Variants in NR3C1 observed in about 807,000 individuals in gnomAD.
The protein encoded by NR3C1 is nuclear receptor subfamily 3 group C member 1, also known as glucocorticoid receptor.
NR3C1 carries 14 observed loss-of-function variants against 74.0 expected under a neutral mutation model. The observed-to-expected ratio is 0.19, with a 90% CI of 0.12 to 0.30. The LOEUF (loss-of-function observed/expected upper bound fraction) is 0.30, where lower values mean the gene tolerates loss of function less well. Among genes scored for constraint, NR3C1 ranks in the 10% least tolerant of loss-of-function variants. The probability of loss-of-function intolerance (pLI) is 1.00; values close to 1 mark genes in which losing one functional copy is unlikely to be tolerated. For missense variants in NR3C1, 695 were observed against 909.8 expected (o/e 0.76, Z 3.04); for synonymous variants, 308 against 332.5 (o/e 0.93, Z 0.80).
At chr5:143,416,353 A>G (rs1050316713) in intron 1 of NR3C1, among the ~76,000 whole-genome samples, 2 of 152,062 alleles carry the variant, frequency 1.3e-5, no homozygotes, top group East Asian at 1.9e-4. Flanking sequence ...TTCTGGGACT[A>G]CTTGGAAACT....
intron 5 of NR3C1, among the ~76,000 whole-genome samples, chr5:143,299,017 T>G (rs567191885): frequency 1.4e-4 from 20 of 147,926 alleles, no homozygotes; most frequent in Non-Finnish European, 1.6e-4. Context: ...TTTTTTTTTT[T>G]TTTTTTTTTT....
At chr5:143,360,502 T>G (rs914085148) in intron 2 of NR3C1, among the ~76,000 whole-genome samples, 9 of 152,228 alleles carry the variant, frequency 5.9e-5, no homozygotes, top group Non-Finnish European at 1.2e-4. Context: ...GCTAATTGGA[T>G]CACTGTTAAA....
chr5:143,356,634 G>A (rs999914192), intron 2 of NR3C1, among the ~76,000 whole-genome samples: 2 of 151,080 alleles, frequency 1.3e-5, no homozygotes, highest in Admixed American at 6.6e-5. Flanking sequence ...ATCCTATAGT[G>A]ATATTTCTGC....
chr5:143,350,708 A>G (rs891348989), intron 2 of NR3C1, among the ~76,000 whole-genome samples: 5 of 152,218 alleles, frequency 3.3e-5, no homozygotes, highest in African/African-American at 1.2e-4. Context: ...GGATGGGATC[A>G]CTTAGAGAAG....
intron 2 of NR3C1, among the ~76,000 whole-genome samples, chr5:143,373,876 T>C (rs971961803): frequency 2.0e-5 from 3 of 152,130 alleles, no homozygotes; most frequent in Admixed American, 6.5e-5. Context: ...AAGAGGTGTT[T>C]ATTATTTCTT....
chr5:143,314,150 A>C lies in NR3C1; in HGVS notation c.1203T>G (p.Asp401Glu). The change falls in exon 3 of 9, where the codon GAT becomes GAG. Residue 401 changes from aspartate (D) to glutamate (E), a missense_variant. Asp to Glu is a conservative substitution (Grantham distance 45). Transcript: ENST00000394464. ...NGYSSPSMRP[D>E]VSSPPSSSST... The stretch of plus-strand genomic sequence containing the variant: ...AGGAGCTGGATGGAGGAGAGCTTAC[A>C]TCTGGTCTCATGCTGGGGCTAAAGA... The C allele has an allele frequency of 1.2e-6, 2 of 1,613,718 alleles. No individual in the cohort carries two copies. The highest frequency in any genetic ancestry group is 2.7e-5 in the African/African-American group (2 of 75,018).
At chr5:143,308,957 C>A (rs188508102) in intron 4 of NR3C1, among the ~76,000 whole-genome samples, 48 of 152,142 alleles carry the variant, frequency 3.2e-4, no homozygotes, top group Middle Eastern at 6.8e-3. Flanking sequence ...TCAACCACAG[C>A]AGAATTCCAA....
At chr5:143,366,422 A>C (rs1407679564) in intron 2 of NR3C1, among the ~76,000 whole-genome samples, 1 of 151,912 alleles carries the variant, frequency 6.6e-6, no homozygotes. Flanking sequence ...AGGCAGGAGA[A>C]TCTCTTGAAC....
intron 7 of NR3C1, among the ~76,000 whole-genome samples, chr5:143,283,804 C>A (rs1394883942): frequency 6.6e-6 from 1 of 152,152 alleles, no homozygotes; most frequent in Non-Finnish European, 1.5e-5. Flanking sequence ...TAGAGTGCTA[C>A]ATTTTTCACA....
At chr5:143,320,040 AAAG>A (rs1419075097) in intron 2 of NR3C1, among the ~76,000 whole-genome samples, 1 of 152,240 alleles carries the variant, frequency 6.6e-6, no homozygotes, top group African/African-American at 2.4e-5. Context: ...TTTACACATT[AAAG>A]TCACCTGCAC....
upstream of NR3C1, chr5:143,403,821 G>C: frequency 3.1e-6 from 3 of 967,584 alleles, no homozygotes; most frequent in Non-Finnish European, 3.7e-6. Flanking sequence ...GGGCGCCCGC[G>C]GTCCCTGCCC....
intron 8 of NR3C1, 106 bp from the exon 9 acceptor site, chr5:143,282,147 C>A (rs1056812379): frequency 2.6e-6 from 3 of 1,150,150 alleles, no homozygotes; most frequent in African/African-American, 1.5e-5. Context: ...TAGAATATAC[C>A]AATCTCACTG....
chr5:143,309,979 C>T (rs1820555909), intron 4 of NR3C1, 118 bp downstream of exon 4: 1 of 779,556 alleles, frequency 1.3e-6, no homozygotes, highest in Admixed American at 2.0e-5. Flanking sequence ...GCTAGTCAAG[C>T]ATATATATAC....
chr5:143,282,427 A>G (rs1454941589), intron 8 of NR3C1, 141 bp downstream of exon 8: 10 of 876,726 alleles, frequency 1.1e-5, no homozygotes, highest in East Asian at 2.7e-5. Context: ...ACTGAAGTTC[A>G]TAAGTTGAAC....
intron 2 of NR3C1, among the ~76,000 whole-genome samples, chr5:143,367,764 A>G (rs1053710163): frequency 1.3e-5 from 2 of 152,252 alleles, no homozygotes; most frequent in African/African-American, 4.8e-5. Flanking sequence ...AATGGAAAGA[A>G]GTCTTGTATT....
chr5:143,305,613 G>A (rs1457656654), intron 4 of NR3C1, among the ~76,000 whole-genome samples: 3 of 152,172 alleles, frequency 2.0e-5, no homozygotes, highest in South Asian at 2.1e-4. Flanking sequence ...TGTAGCAGGC[G>A]GCCAGTATCC....
At chr5:143,397,120 G>A (rs1003886002) in intron 2 of NR3C1, among the ~76,000 whole-genome samples, 2 of 151,696 alleles carry the variant, frequency 1.3e-5, no homozygotes, top group African/African-American at 2.4e-5. Context: ...ATTCAATGTT[G>A]TGGTGGAAGG....
At chr5:143,373,494 G>A (rs1033246972) in intron 2 of NR3C1, among the ~76,000 whole-genome samples, 2 of 152,058 alleles carry the variant, frequency 1.3e-5, no homozygotes, top group African/African-American at 4.8e-5. Flanking sequence ...GATAGCATTA[G>A]GAGAAATACC....
intron 2 of NR3C1, among the ~76,000 whole-genome samples, chr5:143,362,772 G>A (rs1270760775): frequency 6.6e-6 from 1 of 152,092 alleles, no homozygotes; most frequent in African/African-American, 2.4e-5. Flanking sequence ...TGCTTCCCTG[G>A]GGCACATGAC....
Sources: gnomAD v4.1 joint callset for allele counts (sites outside exome capture counted in the v4.1 genomes callset) on GRCh38, gnomAD v4.1.1 for gene constraint, MANE v1.5 for transcripts, NCBI Gene and HGNC (gene_info 2026-07-23, HGNC 2026-07-21) for gene names.